Variants in ENTPD5 observed in about 807,000 individuals in gnomAD.
ENTPD5 encodes nucleoside diphosphate phosphatase ENTPD5.
In ENTPD5, 49 loss-of-function variants were observed where a neutral mutation model predicts 60.2. The ratio of observed to expected loss-of-function variants is 0.81; its 90% CI spans 0.65 to 1.03. The LOEUF is 1.03. ENTPD5 is among the 50% of genes least tolerant of loss of function. The pLI is 0.00. For missense variants in ENTPD5, 480 were observed against 507.6 expected (o/e 0.95, Z 0.52); for synonymous variants, 187 against 185.4 (o/e 1.01, Z -0.07).
In ENTPD5 at chr14:73,963,358, A is replaced by AGTT. The variant is rs1029655473; in HGVS notation, c.*3567_*3569dup. 2.6e-6 allele frequency: 1 copy of AGTT among 383,514 alleles called. No individual in the cohort carries two copies. The highest frequency in any genetic ancestry group is 4.6e-6 in the Non-Finnish European group (1 of 215,734). The allele number at this position is 383,514 out of a possible 1,614,324, so 23.8% of individuals were successfully genotyped here. ...TTTAATGTTGGTCATAAATTTATAC[A>AGTT]GTTGTTTTTTGATAGAGGTAAGAAT... On this transcript the variant is annotated 3_prime_UTR_variant, in exon 16 of 16. Coordinates refer to ENST00000334696, the MANE Select transcript of ENTPD5 (RefSeq NM_001249.5).
intron 15 of ENTPD5, among the ~76,000 whole-genome samples, chr14:73,968,261 T>C (rs2057069714): frequency 6.6e-6 from 1 of 152,200 alleles, no homozygotes; most frequent in Admixed American, 6.5e-5. Context: ...GAGGATTAGA[T>C]TAGTGTTTAT....
chr14:73,985,758 T>C (rs1171671525), intron 5 of ENTPD5, among the ~76,000 whole-genome samples: 1 of 152,090 alleles, frequency 6.6e-6, no homozygotes, highest in African/African-American at 2.4e-5. Flanking sequence ...TTGCTATCCA[T>C]GTGCTACTGA....
chr14:73,981,266 C>T lies in ENTPD5; in HGVS notation c.441+1752G>A, dbSNP rs140877627. On this transcript the variant is annotated intron_variant, in intron 6 of 15. Transcript: ENST00000334696. ...CTGTAATCCCAGCACTTTGGGAAGCCGGGGTGGGTGGAGTTTGAGGCCAGG... is the reference window on the plus strand; with the variant it reads ...CTGTAATCCCAGCACTTTGGGAAGCTGGGGTGGGTGGAGTTTGAGGCCAGG... Among the ~76,000 whole-genome samples, 72 of 151,528 alleles carry T rather than the reference C, an allele frequency of 4.8e-4. No individual in the cohort carries two copies. In the East Asian group the frequency reaches 8.4e-3, roughly 18 times the overall value.
intron 3 of ENTPD5, among the ~76,000 whole-genome samples, chr14:74,006,269 G>A (rs2058675553): frequency 6.8e-6 from 1 of 147,556 alleles, no homozygotes; most frequent in Non-Finnish European, 1.5e-5. Flanking sequence ...ACAGGCATTA[G>A]CCACCTCGCC....
chr14:73,995,309 A>T (rs902783277), intron 3 of ENTPD5, among the ~76,000 whole-genome samples: 2 of 151,976 alleles, frequency 1.3e-5, no homozygotes, highest in African/African-American at 2.4e-5. Flanking sequence ...CAGCCTCCCA[A>T]AATGCTAGGA....
chr14:73,972,101 G>A (rs531985459), intron 13 of ENTPD5, among the ~76,000 whole-genome samples, 193 bp from the exon 14 acceptor site: 5 of 152,158 alleles, frequency 3.3e-5, no homozygotes, highest in East Asian at 3.9e-4. Context: ...ACAATAGGCC[G>A]GGTGTGGTGG....
At chr14:73,955,655 G>A, downstream of ENTPD5, 1 of 1,396,210 alleles carries the variant, frequency 7.2e-7, no homozygotes. Flanking sequence ...AGCATTCCCA[G>A]GAGAATTTTC....
intron 3 of ENTPD5, chr14:74,003,466 C>T: frequency 1.4e-6 from 2 of 1,426,846 alleles, no homozygotes; most frequent in East Asian, 2.6e-5. Context: ...AGGCAGAGGT[C>T]CAAGTAAACC....
At chr14:74,010,345 G>C (rs1043311864) in intron 3 of ENTPD5, among the ~76,000 whole-genome samples, 1 of 152,036 alleles carries the variant, frequency 6.6e-6, no homozygotes, top group Non-Finnish European at 1.5e-5. Flanking sequence ...ACCTGAGGTC[G>C]GGAGTTTGAG....
At chr14:73,997,278 G>T (rs2058367117) in intron 3 of ENTPD5, among the ~76,000 whole-genome samples, 1 of 152,122 alleles carries the variant, frequency 6.6e-6, no homozygotes, top group South Asian at 2.1e-4. Context: ...AAAAGGAGTG[G>T]ACTTGTTTTC....
chr14:74,011,614 T>A (rs1471668939), intron 2 of ENTPD5, among the ~76,000 whole-genome samples: 2 of 152,098 alleles, frequency 1.3e-5, no homozygotes, highest in African/African-American at 2.4e-5. Flanking sequence ...CTGGGCAATG[T>A]GGCGAAACTC....
intron 14 of ENTPD5, among the ~76,000 whole-genome samples, chr14:73,970,349 G>T (rs1174108368): frequency 3.3e-5 from 5 of 152,040 alleles, no homozygotes; most frequent in Non-Finnish European, 5.9e-5. Flanking sequence ...AAAATTAGCA[G>T]GGCGTGGTGG....
rs777056616 is a variant in ENTPD5 at position 73,966,883 on chromosome 14, TA to T, written c.*44del. 4 of 1,456,994 alleles carry T rather than the reference TA, an allele frequency of 2.7e-6. No homozygotes were observed. The highest frequency in any genetic ancestry group is 1.9e-6 in the Non-Finnish European group (2 of 1,038,020). The allele number at this position is 1,456,994 out of a possible 1,614,324, so 90.3% of individuals were successfully genotyped here. A position where few individuals can be genotyped will look rare whatever the true frequency, so the allele number is the denominator to read the frequency against. On this transcript the variant is annotated 3_prime_UTR_variant, in exon 16 of 16. Coordinates refer to ENST00000334696, the MANE Select transcript of ENTPD5 (RefSeq NM_001249.5). ...GAAACTAAGTGCTCTCTCCTCCCCT[TA>T]AAAAGGTGTTGGCAAATGCAGGTCT...
chr14:73,959,049 G>T (rs1166530962), downstream of ENTPD5: 1 of 1,614,212 alleles, frequency 6.2e-7, no homozygotes, highest in South Asian at 1.1e-5. Context: ...TGACCAGTCT[G>T]CTGTTGTGGC....
chr14:74,003,686 C>G (rs926599660), intron 3 of ENTPD5, among the ~76,000 whole-genome samples: 1 of 152,080 alleles, frequency 6.6e-6, no homozygotes, highest in Non-Finnish European at 1.5e-5. Context: ...TGCCCTGGAC[C>G]TGGGACATTC....
downstream of ENTPD5, chr14:73,959,164 C>T: frequency 1.2e-6 from 2 of 1,614,166 alleles, no homozygotes; most frequent in Non-Finnish European, 1.7e-6. Context: ...TGTTGCAGGC[C>T]ACAGAAAACA....
chr14:73,968,673 G>A (rs548961594), intron 15 of ENTPD5, among the ~76,000 whole-genome samples: 46 of 152,178 alleles, frequency 3.0e-4, no homozygotes, highest in African/African-American at 9.4e-4. Flanking sequence ...TGATCCGCCC[G>A]CCTCAGCCTC....
chr14:73,976,276 T>C, intron 9 of ENTPD5, 48 bp downstream of exon 9: 1 of 1,531,914 alleles, frequency 6.5e-7, no homozygotes, highest in South Asian at 1.1e-5. Context: ...GGCACCATGA[T>C]ACGCCTGCCA....
chr14:73,961,479 G>C (rs760209040), downstream of ENTPD5: 30 of 1,614,076 alleles, frequency 1.9e-5, no homozygotes, highest in East Asian at 6.7e-4. Flanking sequence ...GAGTCCATCC[G>C]CTTGCAGGAC....
Sources: allele counts gnomAD v4.1 joint callset (sites outside exome capture counted in the v4.1 genomes callset), GRCh38; gene constraint gnomAD v4.1.1; transcripts MANE v1.5; gene names NCBI Gene and HGNC (gene_info 2026-07-23, HGNC 2026-07-21).